SH3GL2: variants seen among roughly 807,000 people sequenced by gnomAD.
SH3GL2 encodes endophilin-A1.
SH3GL2 carries 24 observed loss-of-function variants against 46.0 expected under a neutral mutation model. The observed-to-expected ratio is 0.52, with a 90% CI of 0.38 to 0.73. The LOEUF (loss-of-function observed/expected upper bound fraction) is 0.73, where lower values mean the gene tolerates loss of function less well. Ranked by LOEUF, SH3GL2 falls within the 30% of genes least tolerant of loss-of-function variation. SH3GL2 has a pLI of 0.00. For synonymous variants in SH3GL2, 196 were observed against 147.1 expected (o/e 1.33, Z -2.40); for missense variants, 413 against 424.2 (o/e 0.97, Z 0.23).
rs567415657 is a variant in SH3GL2 at position 17,600,791 on chromosome 9, C to T, written c.45+21504C>T. Among the ~76,000 whole-genome samples, 8 of 152,272 alleles carry T rather than the reference C, an allele frequency of 5.3e-5. No homozygotes were observed. In the South Asian group the frequency reaches 1.7e-3, roughly 32 times the overall value. On this transcript the variant is annotated intron_variant, in intron 1 of 8. Coordinates refer to ENST00000380607, the MANE Select transcript of SH3GL2 (RefSeq NM_003026.5). ...GGAACATGTTTGGTATTTTTAAAAACTCTTTACTCATTGTCTGAGGTGAGA... is the reference window on the plus strand; with the variant it reads ...GGAACATGTTTGGTATTTTTAAAAATTCTTTACTCATTGTCTGAGGTGAGA...
rs985383568 is a variant in SH3GL2, at chr9:17,581,320, A to C, written c.45+2033A>C. Among the ~76,000 whole-genome samples, 8 of 152,218 alleles carry C rather than the reference A, an allele frequency of 5.3e-5. No individual in the cohort carries two copies. In the East Asian group the frequency reaches 5.8e-4, roughly 11 times the overall value. On this transcript the variant is annotated intron_variant, in intron 1 of 8. Transcript: ENST00000380607. Reference sequence around the variant, plus strand: ...TTGGAGAAGGTCGGCATGTGATGCGATACGGTTAATGTTTATCACACCGAA... The same window carrying C: ...TTGGAGAAGGTCGGCATGTGATGCGCTACGGTTAATGTTTATCACACCGAA...
At chr9:17,746,837 G>C (rs60626906) in intron 1 of SH3GL2, among the ~76,000 whole-genome samples, 4,176 of 152,268 alleles carry the variant, frequency 0.027, 173 homozygotes, top group African/African-American at 0.093. Flanking sequence ...GAAATCAGAA[G>C]ATACAAATTT....
At chr9:17,634,115 C>G (rs1356394901) in intron 1 of SH3GL2, among the ~76,000 whole-genome samples, 3 of 152,124 alleles carry the variant, frequency 2.0e-5, no homozygotes, top group Non-Finnish European at 2.9e-5. Flanking sequence ...ACTTTGGGCT[C>G]TTGAAGGGAG....
chr9:17,738,573 TATAGAGAG>T (rs1373490043), intron 1 of SH3GL2, among the ~76,000 whole-genome samples: 3 of 47,392 alleles, frequency 6.3e-5, no homozygotes, highest in Non-Finnish European at 1.5e-4. Context: ...TACATATATA[TATAGAGAG>T]AGAGAGAGAG....
chr9:17,675,988 T>C (rs1377389691), intron 1 of SH3GL2, among the ~76,000 whole-genome samples: 1 of 152,052 alleles, frequency 6.6e-6, no homozygotes, highest in Non-Finnish European at 1.5e-5. Context: ...CTTTCTTGCA[T>C]ATTGGATTTG....
At chr9:17,673,781 T>G (rs149799247) in intron 1 of SH3GL2, among the ~76,000 whole-genome samples, 1 of 152,204 alleles carries the variant, frequency 6.6e-6, no homozygotes, top group African/African-American at 2.4e-5. Flanking sequence ...TACTCACCCT[T>G]GAGTCTTTAT....
intron 3 of SH3GL2, among the ~76,000 whole-genome samples, chr9:17,781,949 C>T (rs1823821470): frequency 1.3e-5 from 2 of 152,130 alleles, no homozygotes; most frequent in African/African-American, 4.8e-5. Flanking sequence ...AGTGAGTGAG[C>T]ACTCTGACTC....
chr9:17,580,603 A>G (rs1818259319), intron 1 of SH3GL2, among the ~76,000 whole-genome samples: 1 of 152,144 alleles, frequency 6.6e-6, no homozygotes, highest in African/African-American at 2.4e-5. Context: ...TTGCTTTTCT[A>G]TTATAATTGG....
chr9:17,731,957 A>G (rs148411612), intron 1 of SH3GL2, among the ~76,000 whole-genome samples: 7 of 152,268 alleles, frequency 4.6e-5, no homozygotes, highest in Middle Eastern at 6.8e-3. Context: ...AGTGGTAGAA[A>G]TTAGAAGGTA....
intron 1 of SH3GL2, among the ~76,000 whole-genome samples, chr9:17,709,685 A>G (rs865802463): frequency 3.6e-4 from 28 of 77,022 alleles, no homozygotes; most frequent in African/African-American, 1.1e-3. Context: ...TGTATTACAC[A>G]CACACACACA....
At chr9:17,698,856 T>G (rs1821273534) in intron 1 of SH3GL2, among the ~76,000 whole-genome samples, 1 of 152,120 alleles carries the variant, frequency 6.6e-6, no homozygotes, top group Non-Finnish European at 1.5e-5. Flanking sequence ...ATATGCAAAT[T>G]ATTAAAAAAT....
At chr9:17,711,240 C>G (rs568184871) in intron 1 of SH3GL2, among the ~76,000 whole-genome samples, 1 of 151,882 alleles carries the variant, frequency 6.6e-6, no homozygotes, top group African/African-American at 2.4e-5. Flanking sequence ...ATTTGAAGAA[C>G]TAACTTAAAT....
rs1380688379 is a variant in SH3GL2, at chr9:17,640,678, C to T, written c.45+61391C>T. On this transcript the variant is annotated intron_variant, in intron 1 of 8. Coordinates refer to ENST00000380607, the MANE Select transcript of SH3GL2 (RefSeq NM_003026.5). ...GGCTGGTAGCTTTACTGTGTTTCTC[C>T]ATAACACTTCTCATTTCTCGGAGAC... Among the ~76,000 whole-genome samples the T allele has an allele frequency of 4.6e-5, 7 of 152,260 alleles. No homozygotes were observed. In the South Asian group the frequency reaches 1.2e-3, roughly 27 times the overall value.
intron 1 of SH3GL2, among the ~76,000 whole-genome samples, chr9:17,667,618 A>G (rs1166957940): frequency 1.3e-5 from 2 of 152,206 alleles, no homozygotes; most frequent in African/African-American, 2.4e-5. Flanking sequence ...TGCTGTCATG[A>G]ACCCTTGTGT....
At chr9:17,768,949 C>T (rs1159601268) in intron 3 of SH3GL2, among the ~76,000 whole-genome samples, 1 of 152,202 alleles carries the variant, frequency 6.6e-6, no homozygotes, top group Non-Finnish European at 1.5e-5. Context: ...CCTTATGTTC[C>T]TGGCTGTCTC....
intron 1 of SH3GL2, among the ~76,000 whole-genome samples, chr9:17,723,261 T>C (rs1821940336): frequency 6.6e-6 from 1 of 152,150 alleles, no homozygotes; most frequent in Non-Finnish European, 1.5e-5. Flanking sequence ...TTCTTCTATG[T>C]TCACTATTTT....
At chr9:17,718,775 T>G (rs1207601154) in intron 1 of SH3GL2, among the ~76,000 whole-genome samples, 1 of 152,100 alleles carries the variant, frequency 6.6e-6, no homozygotes, top group East Asian at 1.9e-4. Context: ...ATATTCTTAT[T>G]TAGCAGTTCA....
intron 3 of SH3GL2, among the ~76,000 whole-genome samples, chr9:17,768,806 T>G (rs769455627): frequency 1.3e-5 from 2 of 152,206 alleles, no homozygotes; most frequent in Non-Finnish European, 2.9e-5. Flanking sequence ...TCATTTCTAC[T>G]CCAGTTTTAT....
At position 17,735,326 on chromosome 9, in the gene SH3GL2, G is replaced by A. The variant is rs369274552; in HGVS notation, c.46-11740G>A. Among the ~76,000 whole-genome samples, 7 of 152,086 alleles carry A rather than the reference G, an allele frequency of 4.6e-5. No homozygotes were observed. In the East Asian group the frequency reaches 9.7e-4, roughly 21 times the overall value. On this transcript the variant is annotated intron_variant, in intron 1 of 8. Transcript: ENST00000380607. ...CAATAGGACTTAGCACCTGTCCTCA[G>A]TTTAATGTATGAGTATAAGCACCCT...
Sources: gnomAD v4.1 joint callset for allele counts (sites outside exome capture counted in the v4.1 genomes callset) on GRCh38, gnomAD v4.1.1 for gene constraint, MANE v1.5 for transcripts, NCBI Gene and HGNC (gene_info 2026-07-23, HGNC 2026-07-21) for gene names.